SENP5: variants seen among roughly 807,000 people sequenced by gnomAD.
SENP5 encodes SUMO specific peptidase 5.
A neutral mutation model predicts 74.2 loss-of-function variants in SENP5; 21 were observed. That is an observed-to-expected ratio of 0.28 (90% CI 0.20 to 0.41). The LOEUF is 0.41. Ranked by LOEUF, SENP5 falls within the 10% of genes least tolerant of loss-of-function variation. SENP5 has a pLI of 1.00. For missense variants in SENP5, 717 were observed against 889.1 expected, an observed-to-expected ratio of 0.81 and a Z score of 2.46; for synonymous variants, 311 against 312.7, an observed-to-expected ratio of 0.99 and a Z score of 0.06.
chr3:196,885,011 T>G, intron 1 of SENP5, 140 bp from the exon 2 acceptor site: 3 of 564,482 alleles, frequency 5.3e-6, no homozygotes, highest in Non-Finnish European at 9.2e-6. Context: ...CTTGGTCAGA[T>G]AAGATTTCAT....
chr3:196,926,439 A>C (rs1027934676), intron 7 of SENP5, among the ~76,000 whole-genome samples: 1 of 150,334 alleles, frequency 6.7e-6, no homozygotes, highest in Admixed American at 6.7e-5. Flanking sequence ...CCGAGATCGC[A>C]CCACTACACT....
intron 5 of SENP5, among the ~76,000 whole-genome samples, chr3:196,901,067 A>AC (rs1714684458): frequency 7.1e-6 from 1 of 140,242 alleles, no homozygotes; most frequent in Non-Finnish European, 1.5e-5. Context: ...TTTTTTTGAG[A>AC]CCGAGTCTTG....
chr3:196,874,147 TTA>T (rs1713349646), intron 1 of SENP5, among the ~76,000 whole-genome samples: 1 of 145,850 alleles, frequency 6.9e-6, no homozygotes, highest in African/African-American at 2.6e-5. Flanking sequence ...CCTTTTTTTT[TTA>T]AAAAAAAAAA....
chr3:196,912,408 C>G (rs1715170576), intron 6 of SENP5, among the ~76,000 whole-genome samples: 1 of 152,044 alleles, frequency 6.6e-6, no homozygotes, highest in Admixed American at 6.6e-5. Context: ...ACAACATACA[C>G]CGGGGCCTGT....
intron 7 of SENP5, 143 bp from the exon 8 acceptor site, chr3:196,927,653 A>T (rs1715863704): frequency 1.9e-6 from 1 of 536,292 alleles, no homozygotes; most frequent in African/African-American, 1.9e-5. Flanking sequence ...AAAAAAAAAA[A>T]AAATTGTTCC....
intron 1 of SENP5, among the ~76,000 whole-genome samples, chr3:196,884,664 G>GTTTTTTT (rs199659730): frequency 3.3e-5 from 4 of 121,402 alleles, no homozygotes; most frequent in Admixed American, 8.0e-5. Flanking sequence ...ACAGAAATCA[G>GTTTTTTT]TTTTTTTTTG....
In SENP5 at chr3:196,873,909, C is replaced by T. The variant is rs576124167; in HGVS notation, c.-32+5836C>T. ...TTTAGGAATGGGTCTTGCTGTGTTG[C>T]CCAGGTTGGTCTCAAATTCTTGACC... On this transcript the variant is annotated intron_variant, in intron 1 of 9. Transcript: ENST00000323460. Among the ~76,000 whole-genome samples, 11 of 152,046 alleles carry T rather than the reference C, an allele frequency of 7.2e-5. No homozygotes were observed. The South Asian group carries it at 2.1e-3, about 29-fold the overall frequency.
At chr3:196,919,636 A>G (rs920044480) in intron 6 of SENP5, among the ~76,000 whole-genome samples, 2 of 152,172 alleles carry the variant, frequency 1.3e-5, no homozygotes, top group Non-Finnish European at 2.9e-5. Context: ...TCTACTAAAA[A>G]TACAAAATTA....
At chr3:196,872,382 G>A (rs143518257) in intron 1 of SENP5, among the ~76,000 whole-genome samples, 244 of 152,224 alleles carry the variant, frequency 1.6e-3, no homozygotes, top group Middle Eastern at 6.8e-3. Context: ...TTGCTCCAGG[G>A]TCAGATTCCC....
At chr3:196,872,511 C>A (rs1458993646) in intron 1 of SENP5, among the ~76,000 whole-genome samples, 1 of 152,150 alleles carries the variant, frequency 6.6e-6, no homozygotes, top group African/African-American at 2.4e-5. Context: ...CATTCTTGTT[C>A]ATTTAACTCA....
intron 1 of SENP5, among the ~76,000 whole-genome samples, chr3:196,878,603 A>G (rs1314217406): frequency 6.6e-6 from 1 of 151,958 alleles, no homozygotes; most frequent in Non-Finnish European, 1.5e-5. Context: ...TTTTATTTTT[A>G]TATTTTATGA....
chr3:196,907,453 C>T (rs1213480474), intron 6 of SENP5, among the ~76,000 whole-genome samples: 3 of 115,362 alleles, frequency 2.6e-5, no homozygotes, highest in African/African-American at 3.5e-5. Context: ...GACTCCGTCT[C>T]AAAAAAAAAA....
chr3:196,891,945 C>T (rs1226704627), intron 2 of SENP5, among the ~76,000 whole-genome samples: 1 of 151,024 alleles, frequency 6.6e-6, no homozygotes, highest in Admixed American at 6.6e-5. Context: ...CATGTGCCAC[C>T]ACGCCCGGCT....
intron 2 of SENP5, among the ~76,000 whole-genome samples, chr3:196,896,784 C>T (rs1714459546): frequency 6.6e-6 from 1 of 152,160 alleles, no homozygotes; most frequent in South Asian, 2.1e-4. Context: ...ACTATCTTAA[C>T]ACCCAGGGAG....
chr3:196,878,154 C>T (rs1001338812), intron 1 of SENP5, among the ~76,000 whole-genome samples: 1 of 152,140 alleles, frequency 6.6e-6, no homozygotes, highest in Non-Finnish European at 1.5e-5. Flanking sequence ...TATCCTAAAC[C>T]AACAGTGGAG....
chr3:196,886,210 A>G lies in SENP5; in HGVS notation c.1029A>G (p.Ala343=), dbSNP rs1445750925. The change falls in exon 2 of 10, where the codon GCA becomes GCG. Residue 343 remains alanine, a synonymous_variant. Transcript: ENST00000323460. ...FLGKELSLDE[A]FPDQQNGSAT... is the part of the protein sequence containing the mutation. ...GCAAGGAGCTTAGTTTAGACGAAGCATTCCCTGACCAACAGAATGGCAGTG... is the reference window on the plus strand; with the variant it reads ...GCAAGGAGCTTAGTTTAGACGAAGCGTTCCCTGACCAACAGAATGGCAGTG... 8.1e-6 allele frequency: 13 copies of G among 1,614,224 alleles called. No homozygotes were observed. In the South Asian group the frequency reaches 1.3e-4, roughly 16 times the overall value.
At chr3:196,903,826 A>G (rs1310166572) in intron 6 of SENP5, among the ~76,000 whole-genome samples, 3 of 152,238 alleles carry the variant, frequency 2.0e-5, no homozygotes, top group Admixed American at 6.5e-5. Context: ...GGGATGATAA[A>G]GAAGGAGCTG....
rs751659534 is a variant in SENP5 at position 196,885,533 on chromosome 3, A to C, written c.352A>C (p.Lys118Gln). The change falls in exon 2 of 10, where the codon AAG becomes CAG. Residue 118 changes from lysine to glutamine, a missense_variant. By Grantham distance (53) the Lys-to-Gln change is moderately conservative. Around this residue, in one of 4 missense-constraint regions of SENP5, gnomAD observed 567 missense variants for 577.4 expected, o/e 0.98. Transcript: ENST00000323460. ...GACTCTCCTGAGACTCCAAGCAGAGAAGCTGTTGTCATCAGCAAAGAATTC... is the reference window on the plus strand; with the variant it reads ...GACTCTCCTGAGACTCCAAGCAGAGCAGCTGTTGTCATCAGCAAAGAATTC... ...SKTLLRLQAE[K>Q]LLSSAKNSDH... 7 of 1,614,040 alleles carry C rather than the reference A, an allele frequency of 4.3e-6. No homozygotes were observed. The Admixed American group carries it at 1.0e-4, about 23-fold the overall frequency.
chr3:196,874,730 T>C (rs1291193618), intron 1 of SENP5, among the ~76,000 whole-genome samples: 2 of 152,190 alleles, frequency 1.3e-5, no homozygotes, highest in Admixed American at 1.3e-4. Flanking sequence ...AAATACAAAA[T>C]TGGCTGGGCG....
Sources: gnomAD v4.1 joint callset for allele counts (sites outside exome capture counted in the v4.1 genomes callset) on GRCh38, gnomAD v4.1.1 for gene constraint, gnomAD v4.1.1 regional missense constraint, MANE v1.5 for transcripts, NCBI Gene and HGNC (gene_info 2026-07-23, HGNC 2026-07-21) for gene names.